LHFPL3: variants seen among roughly 807,000 people sequenced by gnomAD.
The protein encoded by LHFPL3 is LHFPL tetraspan subfamily member 3 protein.
In LHFPL3, 5 loss-of-function variants were observed where a neutral mutation model predicts 19.3. That is an observed-to-expected ratio of 0.26 (90% CI 0.14 to 0.54). The LOEUF is 0.54. LHFPL3 is among the 20% of genes least tolerant of loss of function. The pLI is 0.94. For synonymous variants in LHFPL3, 133 were observed against 126.2 expected, an observed-to-expected ratio of 1.05 and a Z score of -0.36; for missense variants, 249 against 307.4, an observed-to-expected ratio of 0.81 and a Z score of 1.42.
At chr7:104,694,136 T>A (rs1022704072) in intron 1 of LHFPL3, among the ~76,000 whole-genome samples, 1 of 152,204 alleles carries the variant, frequency 6.6e-6, no homozygotes, top group East Asian at 1.9e-4. Context: ...TGTTCTAGAA[T>A]TTATCACCAT....
In LHFPL3 at chr7:104,399,171, C is replaced by G. The variant is rs12669439; in HGVS notation, c.445+69947C>G. On this transcript the variant is annotated intron_variant, in intron 1 of 2. Transcript: ENST00000424859. This position sits in a 1 kb window ranked among gnomAD's most constrained non-coding sequence, Gnocchi z 4.4. ...GGAATGGAGAGTTTCAGTGAGCTGCCCCAGGAGCTGCCACCCCTGATGTCC... is the reference window on the plus strand; with the variant it reads ...GGAATGGAGAGTTTCAGTGAGCTGCGCCAGGAGCTGCCACCCCTGATGTCC... Among the ~76,000 whole-genome samples, 58,589 of 151,874 alleles carry G rather than the reference C, an allele frequency of 0.39. 11,727 individuals are homozygous for G. Among genetic ancestry groups the G allele is most frequent in the Admixed American group, 0.5 (7,658 of 15,264 alleles).
At chr7:104,437,473 C>A (rs1402462678) in intron 1 of LHFPL3, among the ~76,000 whole-genome samples, 1 of 152,138 alleles carries the variant, frequency 6.6e-6, no homozygotes, top group African/African-American at 2.4e-5. Flanking sequence ...AGAGTTAGCC[C>A]AGACCCCTTC....
chr7:104,416,969 C>T (rs1388691952), intron 1 of LHFPL3, among the ~76,000 whole-genome samples: 1 of 152,180 alleles, frequency 6.6e-6, no homozygotes, highest in African/African-American at 2.4e-5. Context: ...ACAATAACAG[C>T]GTTAATCAAT....
chr7:104,552,726 A>T (rs1221610318), intron 1 of LHFPL3, among the ~76,000 whole-genome samples: 5 of 152,234 alleles, frequency 3.3e-5, no homozygotes, highest in Admixed American at 6.5e-5. Context: ...TGTAAATTTT[A>T]TAATGGAAAT....
At chr7:104,402,326 T>C (rs181190252) in intron 1 of LHFPL3, among the ~76,000 whole-genome samples, 1 of 152,340 alleles carries the variant, frequency 6.6e-6, no homozygotes, top group East Asian at 1.9e-4. Flanking sequence ...CTACTTAAAG[T>C]AAATTTATAA....
chr7:104,848,208 T>C (rs1398099065), intron 2 of LHFPL3, among the ~76,000 whole-genome samples: 1 of 152,176 alleles, frequency 6.6e-6, no homozygotes, highest in Non-Finnish European at 1.5e-5. Context: ...CGCCTCTGCA[T>C]GGCACTTCAC....
chr7:104,476,618 G>T (rs1014641933), intron 1 of LHFPL3, among the ~76,000 whole-genome samples: 2 of 152,028 alleles, frequency 1.3e-5, no homozygotes, highest in Admixed American at 1.3e-4. Context: ...GTGCCATCAT[G>T]CCCACATAAT....
At chr7:104,753,917 G>C (rs986662673) in intron 2 of LHFPL3, among the ~76,000 whole-genome samples, 2 of 152,226 alleles carry the variant, frequency 1.3e-5, no homozygotes, top group Non-Finnish European at 2.9e-5. Flanking sequence ...CGTGCTGCCA[G>C]TGGGAGTGCA....
chr7:104,819,747 T>C (rs962615165), intron 2 of LHFPL3, among the ~76,000 whole-genome samples: 1 of 152,220 alleles, frequency 6.6e-6, no homozygotes, highest in Non-Finnish European at 1.5e-5. Context: ...AGCTTGCTGA[T>C]ATGTGCGTAC....
At chr7:104,699,036 A>C (rs1793052824) in intron 1 of LHFPL3, among the ~76,000 whole-genome samples, 1 of 152,228 alleles carries the variant, frequency 6.6e-6, no homozygotes, top group African/African-American at 2.4e-5. Flanking sequence ...AAAATGGAAA[A>C]ATAACAAGTG....
chr7:104,638,329 G>A (rs1461339102), intron 1 of LHFPL3, among the ~76,000 whole-genome samples: 1 of 152,080 alleles, frequency 6.6e-6, no homozygotes, highest in Non-Finnish European at 1.5e-5. Context: ...CATGCCTTGT[G>A]CAAACAGGGA....
intron 2 of LHFPL3, among the ~76,000 whole-genome samples, chr7:104,815,520 A>C (rs1790546344): frequency 6.6e-6 from 1 of 152,248 alleles, no homozygotes; most frequent in South Asian, 2.1e-4. Context: ...ATTCTTAAAA[A>C]GATAAGAAGA....
chr7:104,797,977 C>A (rs1790165454), intron 2 of LHFPL3, among the ~76,000 whole-genome samples: 1 of 151,922 alleles, frequency 6.6e-6, no homozygotes, highest in Non-Finnish European at 1.5e-5. Flanking sequence ...AACGTCACGG[C>A]AGCAGCTGAT....
Position 104,462,442 on chromosome 7 carries a change from G to T in LHFPL3, c.445+133218G>T, listed in dbSNP as rs182219860. Among the ~76,000 whole-genome samples the T allele has an allele frequency of 2.0e-3, 312 of 152,270 alleles. 3 individuals are homozygous for T. The highest frequency in any genetic ancestry group is 1.2e-3 in the Non-Finnish European group (85 of 68,022). ...TTAAGAGTTTTTAACATGAAGATGT[G>T]TTGAATTTTATTGAAAGCCTTTTCT... On this transcript the variant is annotated intron_variant, in intron 1 of 2. Coordinates refer to ENST00000424859, the MANE Select transcript of LHFPL3 (RefSeq NM_199000.3).
intron 2 of LHFPL3, among the ~76,000 whole-genome samples, chr7:104,748,140 G>C (rs1396490765): frequency 1.3e-5 from 2 of 151,376 alleles, no homozygotes; most frequent in Non-Finnish European, 2.9e-5. Context: ...TTGTTAAACA[G>C]ATGCTTGAAG....
chr7:104,567,456 C>G (rs1466404070), intron 1 of LHFPL3, among the ~76,000 whole-genome samples: 1 of 152,202 alleles, frequency 6.6e-6, no homozygotes, highest in African/African-American at 2.4e-5. Flanking sequence ...TTTGAATGTA[C>G]TGGCATCCTC....
intron 1 of LHFPL3, among the ~76,000 whole-genome samples, chr7:104,474,019 G>A (rs1792958912): frequency 6.6e-6 from 1 of 152,102 alleles, no homozygotes; most frequent in African/African-American, 2.4e-5. Flanking sequence ...TTAAACACAA[G>A]CTCACTGCTC....
At chr7:104,878,186 T>A (rs899793676) in intron 2 of LHFPL3, among the ~76,000 whole-genome samples, 7 of 152,064 alleles carry the variant, frequency 4.6e-5, no homozygotes, top group Non-Finnish European at 1.0e-4. Flanking sequence ...CAAATGTCTA[T>A]CAGATGATGG....
At position 104,667,970 on chromosome 7, in the gene LHFPL3, C is replaced by T; in HGVS notation, c.446-68705C>T. 5 of 1,613,426 alleles carry T rather than the reference C, an allele frequency of 3.1e-6. No individual in the cohort carries two copies. In the South Asian group the frequency reaches 5.5e-5, roughly 18 times the overall value. ...CTCCAATTGACCGTTCCATCCTTCCCACTGCTCCACGGGCTGCTCGGGAAC... is the reference window on the plus strand; with the variant it reads ...CTCCAATTGACCGTTCCATCCTTCCTACTGCTCCACGGGCTGCTCGGGAAC... On this transcript the variant is annotated intron_variant, in intron 1 of 2. Transcript: ENST00000424859.
Sources: gnomAD v4.1 joint callset for allele counts (sites outside exome capture counted in the v4.1 genomes callset) on GRCh38, gnomAD v4.1.1 for gene constraint, Gnocchi (gnomAD v3.1) non-coding constraint, MANE v1.5 for transcripts, NCBI Gene and HGNC (gene_info 2026-07-23, HGNC 2026-07-21) for gene names.